The following OVCH2 variants were observed in gnomAD, a reference collection of about 807,000 sequenced individuals.
OVCH2 encodes ovochymase 2.
In OVCH2, 88 loss-of-function variants were observed where a neutral mutation model predicts 73.7. The ratio of observed to expected loss-of-function variants is 1.19; its 90% CI spans 1.01 to 1.43. The LOEUF (loss-of-function observed/expected upper bound fraction) is 1.43. OVCH2 is among the 40% of genes most tolerant of loss of function. The probability of loss-of-function intolerance (pLI) is 0.00; values close to 1 mark genes in which losing one functional copy is unlikely to be tolerated. For synonymous variants in OVCH2, 265 were observed against 234.5 expected, an observed-to-expected ratio of 1.13 and a Z score of -1.19; for missense variants, 706 against 674.5, an observed-to-expected ratio of 1.05 and a Z score of -0.52.
Position 7,695,279 on chromosome 11 carries a change from A to G in OVCH2, c.1283-91T>C. On this transcript the variant is annotated intron_variant, in intron 11 of 15. Coordinates refer to ENST00000533663, the MANE Select transcript of OVCH2 (RefSeq NM_198185.7). ...CCCTCCTGTCTCCTGAAAATGATGC[A>G]TATCAATTGCATTTTCAGACACTGC... 2.9e-6 allele frequency: 4 copies of G among 1,371,184 alleles called. No individual in the cohort carries two copies. The South Asian group carries it at 4.4e-5, about 15-fold the overall frequency. The allele number at this position is 1,371,184 out of a possible 1,614,324, so 84.9% of individuals were successfully genotyped here.
At chr11:7,703,897 T>G in intron 2 of OVCH2, 108 bp from the exon 3 acceptor site, 1 of 872,456 alleles carries the variant, frequency 1.1e-6, no homozygotes, top group Non-Finnish European at 1.8e-6. Flanking sequence ...CACTCGTAAA[T>G]GTCAAGAATC....
At position 7,703,792 on chromosome 11, in the gene OVCH2, A is replaced by C. The variant is rs1209624671; in HGVS notation, c.199-3T>G. On this transcript the variant is annotated splice_polypyrimidine_tract_variant and splice_region_variant and intron_variant, in intron 2 of 15. Coordinates refer to ENST00000533663, the MANE Select transcript of OVCH2 (RefSeq NM_198185.7). ...TTCTGCCTTTGTTTCAGAGATACCT[A>C]AATTGCAAATACCTTAAATGAAAGC... The C allele has an allele frequency of 6.3e-7, 1 of 1,599,364 alleles. No homozygotes were observed. Among genetic ancestry groups the C allele is most frequent in the Non-Finnish European group, 8.5e-7 (1 of 1,172,404 alleles).
the OVCH2 span, among the ~76,000 whole-genome samples, chr11:7,678,933 TC>T: frequency 2.0e-5 from 3 of 152,336 alleles, no homozygotes; most frequent in South Asian, 6.2e-4. Context: ...ACCCTCTGGA[TC>T]TAAAATAAAA....
At chr11:7,684,448 T>A (rs4758214), downstream of OVCH2, among the ~76,000 whole-genome samples, 40,928 of 150,250 alleles carry the variant, frequency 0.27, 7,449 homozygotes, top group African/African-American at 0.52. Flanking sequence ...CTGCCTGGGA[T>A]GCCAGCTGCC....
chr11:7,686,850 C>A (rs1300144895), downstream of OVCH2, among the ~76,000 whole-genome samples: 11 of 152,224 alleles, frequency 7.2e-5, no homozygotes, highest in Admixed American at 7.2e-4. Context: ...ACAGCAGCTT[C>A]ACCCAGAGGC....
downstream of OVCH2, among the ~76,000 whole-genome samples, chr11:7,687,922 G>C (rs1025585234): frequency 2.0e-5 from 3 of 152,054 alleles, no homozygotes; most frequent in Admixed American, 6.5e-5. Context: ...GCAAGCTCTT[G>C]TGCGTCTCTT....
In OVCH2 at chr11:7,706,464, G is replaced by A. The variant is rs1856533339; in HGVS notation, c.-70C>T. Reference sequence around the variant, plus strand: ...CAAACAAAAATAGGAAGCCTTGAGAGACCAGCAATAAGCCAATTTAAAACA... The same window carrying A: ...CAAACAAAAATAGGAAGCCTTGAGAAACCAGCAATAAGCCAATTTAAAACA... On this transcript the variant is annotated 5_prime_UTR_variant, in exon 1 of 16. Coordinates refer to ENST00000533663, the MANE Select transcript of OVCH2 (RefSeq NM_198185.7). 3 of 1,504,202 alleles carry A rather than the reference G, an allele frequency of 2.0e-6. No homozygotes were observed. Among genetic ancestry groups the A allele is most frequent in the African/African-American group, 2.8e-5 (2 of 70,580 alleles). 93.2% of individuals were successfully genotyped at this position (1,504,202 alleles called of 1,614,324 possible). A position where few individuals can be genotyped will look rare whatever the true frequency, so the allele number is the denominator to read the frequency against.
chr11:7,695,307 A>G, intron 11 of OVCH2, 119 bp from the exon 12 acceptor site: 1 of 1,256,016 alleles, frequency 8.0e-7, no homozygotes, highest in Non-Finnish European at 1.1e-6. Flanking sequence ...GACACTGCGA[A>G]CAAGAAAAGA....
intron 13 of OVCH2, 60 bp downstream of exon 13, chr11:7,691,842 C>T: frequency 7.6e-7 from 1 of 1,311,340 alleles, no homozygotes; most frequent in Admixed American, 2.0e-5. Context: ...CTTTTCGTTC[C>T]CATCTCAAGA....
chr11:7,698,363 G>C lies in OVCH2; in HGVS notation c.925+387C>G, dbSNP rs376446517. ...GAGGGCCAGAGTTAGGAAAAGGCTC[G>C]CCCAAAGTCACAGAGTGAATTCATC... is the stretch of plus-strand genomic sequence containing the variant. On this transcript the variant is annotated intron_variant, in intron 8 of 15. Transcript: ENST00000533663. Among the ~76,000 whole-genome samples the C allele has an allele frequency of 8.5e-5, 13 of 152,298 alleles. No individual in the cohort carries two copies. In the South Asian group the frequency reaches 1.9e-3, roughly 22 times the overall value.
the OVCH2 span, among the ~76,000 whole-genome samples, chr11:7,682,248 T>C: frequency 6.6e-6 from 1 of 152,234 alleles, no homozygotes; most frequent in Non-Finnish European, 1.5e-5. Flanking sequence ...CGCTGGACAG[T>C]AGCAAAGCTG....
chr11:7,686,214 T>C (rs1002218323), downstream of OVCH2, among the ~76,000 whole-genome samples: 2 of 152,240 alleles, frequency 1.3e-5, no homozygotes, highest in Non-Finnish European at 2.9e-5. Context: ...ATGATCTGGC[T>C]GGGGACTATT....
chr11:7,679,952 T>A, the OVCH2 span, among the ~76,000 whole-genome samples: 1 of 152,194 alleles, frequency 6.6e-6, no homozygotes, highest in South Asian at 2.1e-4. Context: ...GGAGAAGGCA[T>A]GGGAGCTCCG....
chr11:7,691,269 C>G lies in OVCH2; in HGVS notation c.1639G>C (p.Val547Leu). ...AGAGTTGGTAACTCTATCTTCTTAC[C>G]TGCTTTAGGAATGAAGGAGACTGTA... The part of the protein sequence containing the change: ...QATVSFIPKA[V>L]YPDLNISISE... The change falls in exon 14 of 16, where the codon GTA becomes CTA. Residue 547 changes from valine (V) to leucine (L), a missense_variant and splice_region_variant. Physicochemically the swap from Val to Leu is conservative, Grantham distance 32 (BLOSUM62 1). Transcript: ENST00000533663. The G allele has an allele frequency of 6.2e-7, 1 of 1,607,724 alleles. No individual in the cohort carries two copies. Among genetic ancestry groups the G allele is most frequent in the Non-Finnish European group, 8.5e-7 (1 of 1,177,038 alleles).
intron 8 of OVCH2, 154 bp from the exon 9 acceptor site, chr11:7,696,953 C>A (rs568128373): frequency 1.8e-4 from 119 of 675,632 alleles, no homozygotes; most frequent in Admixed American, 3.0e-4. Flanking sequence ...TTCTATGATG[C>A]CTTTTTGGTT....
At chr11:7,690,239 A>G (rs558715278) in intron 14 of OVCH2, among the ~76,000 whole-genome samples, 95 of 152,300 alleles carry the variant, frequency 6.2e-4, no homozygotes, top group Non-Finnish European at 1.1e-3. Flanking sequence ...AAAGCAGATA[A>G]TTGGCTTTGT....
the OVCH2 span, among the ~76,000 whole-genome samples, chr11:7,680,650 T>A: frequency 7.2e-5 from 11 of 152,108 alleles, no homozygotes; most frequent in Non-Finnish European, 1.5e-4. Flanking sequence ...AAGAAATGGA[T>A]TTTCCCCTCA....
At chr11:7,679,460 G>A in the OVCH2 span, among the ~76,000 whole-genome samples, 1 of 152,138 alleles carries the variant, frequency 6.6e-6, no homozygotes, top group Non-Finnish European at 1.5e-5. Context: ...TTGGTGATTG[G>A]ATTGGGGGGC....
chr11:7,680,478 T>G, the OVCH2 span, among the ~76,000 whole-genome samples: 1 of 152,180 alleles, frequency 6.6e-6, no homozygotes, highest in East Asian at 1.9e-4. Context: ...GTGGGCCTGA[T>G]GTGATCACAA....
Sources: gnomAD v4.1 joint callset for allele counts (sites outside exome capture counted in the v4.1 genomes callset) on GRCh38, gnomAD v4.1.1 for gene constraint, MANE v1.5 for transcripts, NCBI Gene and HGNC (gene_info 2026-07-23, HGNC 2026-07-21) for gene names.